Variants in NFIC observed in about 807,000 individuals in gnomAD.
The protein encoded by NFIC is nuclear factor I C, also known as nuclear factor 1 C-type.
Under a neutral mutation model 54.4 loss-of-function variants are expected in NFIC, and 12 were observed. The ratio of observed to expected loss-of-function variants is 0.22; its 90% CI spans 0.14 to 0.36. The LOEUF (loss-of-function observed/expected upper bound fraction) is 0.36, where lower values mean the gene tolerates loss of function less well. Among genes scored for constraint, NFIC ranks in the 10% least tolerant of loss-of-function variants. NFIC has a pLI of 1.00. For missense variants in NFIC, 575 were observed against 718.2 expected (o/e 0.80, Z 2.28); for synonymous variants, 322 against 319.2 (o/e 1.01, Z -0.09).
chr19:3,385,573 GTT>G (rs569020735), intron 2 of NFIC, among the ~76,000 whole-genome samples: 292 of 109,224 alleles, frequency 2.7e-3, no homozygotes, highest in African/African-American at 8.3e-3. Context: ...GGTTGTTGTT[GTT>G]TTTTTTTTTT....
At chr19:3,367,310 C>T (rs912483815) in intron 1 of NFIC, among the ~76,000 whole-genome samples, 3 of 152,152 alleles carry the variant, frequency 2.0e-5, no homozygotes, top group Non-Finnish European at 4.4e-5. Context: ...CCCTCCTTTG[C>T]AAGCCCCCCA....
chr19:3,429,253 TACAC>T lies in NFIC; in HGVS notation c.634+4115_634+4118del, dbSNP rs57948823. 7.4e-3 allele frequency among the ~76,000 whole-genome samples: 378 copies of T among 50,790 alleles called. 46 individuals are homozygous for T. Among genetic ancestry groups the T allele is most frequent in the African/African-American group, 0.019 (208 of 11,058 alleles). 33.3% of individuals were successfully genotyped at this position (50,790 alleles called of 152,430 possible). On this transcript the variant is annotated intron_variant, in intron 3 of 10. Transcript: ENST00000443272. ...CCCCAAAAAAAAAAAAAAAAATATA[TACAC>T]ACACACACACACACACACACACACA...
chr19:3,456,980 G>T, intron 10 of NFIC: 1 of 373,852 alleles, frequency 2.7e-6, no homozygotes. Context: ...GAGACAAGGG[G>T]GTCTGCCCAG....
At position 3,452,720 on chromosome 19, in the gene NFIC, C is replaced by CG; in HGVS notation, c.1269+59dup. ...CTCCTGGCGGCTCCAGGTGACCTCC[C>CG]GGGGGCCACGTGCTCACACGAAGGC... On this transcript the variant is annotated intron_variant, in intron 8 of 10. Coordinates refer to ENST00000443272, the MANE Select transcript of NFIC (RefSeq NM_001245002.2). This position sits in a 1 kb window ranked among gnomAD's most constrained non-coding sequence, Gnocchi z 5.3. 6.5e-7 allele frequency: 1 copy of CG among 1,531,358 alleles called. No homozygotes were observed. The highest frequency in any genetic ancestry group is 1.2e-5 in the South Asian group (1 of 80,150). The allele number at this position is 1,531,358 out of a possible 1,614,324, so 94.9% of individuals were successfully genotyped here.
chr19:3,434,448 C>T (rs1472711221), intron 5 of NFIC, 48 bp downstream of exon 5: 6 of 1,547,824 alleles, frequency 3.9e-6, no homozygotes, highest in Non-Finnish European at 5.2e-6. Context: ...CCCCATTCAT[C>T]AACCCATCCC....
In NFIC at chr19:3,401,752, C is replaced by T. The variant is rs376167528; in HGVS notation, c.562+19509C>T. Among the ~76,000 whole-genome samples the T allele has an allele frequency of 4.0e-5, 6 of 151,368 alleles. No individual in the cohort carries two copies. In the East Asian group the frequency reaches 7.8e-4, roughly 20 times the overall value. On this transcript the variant is annotated intron_variant, in intron 2 of 10. Coordinates refer to ENST00000443272, the MANE Select transcript of NFIC (RefSeq NM_001245002.2). ...TTTTCTCTTTTTTTAGACAGAGTCT[C>T]GCTCTGTCACCCAGGCTGGAGTGCA...
At chr19:3,422,036 G>A (rs966053602) in intron 2 of NFIC, among the ~76,000 whole-genome samples, 2 of 151,954 alleles carry the variant, frequency 1.3e-5, no homozygotes, top group South Asian at 2.1e-4. Flanking sequence ...TCCGGGGTTC[G>A]AGCGATTCTC....
intron 1 of NFIC, among the ~76,000 whole-genome samples, chr19:3,367,232 G>C (rs971351632): frequency 6.6e-6 from 1 of 152,210 alleles, no homozygotes; most frequent in African/African-American, 2.4e-5. Context: ...GTGCATGGAG[G>C]GGGAGGGGGC....
chr19:3,374,605 A>G (rs1170379351), intron 1 of NFIC, among the ~76,000 whole-genome samples: 1 of 152,200 alleles, frequency 6.6e-6, no homozygotes, highest in East Asian at 1.9e-4. Flanking sequence ...TCCTGGCTAG[A>G]TCTGGGAAAC....
intron 1 of NFIC, among the ~76,000 whole-genome samples, chr19:3,368,731 G>C (rs1444261210): frequency 6.6e-6 from 1 of 152,182 alleles, no homozygotes; most frequent in East Asian, 1.9e-4. Context: ...GGCCCAGCCT[G>C]GTCTGGGGTA....
In NFIC at chr19:3,369,616, C is replaced by T. The variant is rs532356797; in HGVS notation, c.30+2950C>T. On this transcript the variant is annotated intron_variant, in intron 1 of 10. Transcript: ENST00000443272. The surrounding 1 kb of genome is among the most constrained non-coding windows in gnomAD (Gnocchi z 4.3). ...CGGCCCTGGGGCATTCTGGGAGCCC[C>T]GGGCCGGGCTCAGCGGTGACTCAAG... 1.7e-3 allele frequency among the ~76,000 whole-genome samples: 252 copies of T among 152,248 alleles called. 1 individual carries two copies. The highest frequency in any genetic ancestry group is 5.7e-3 in the African/African-American group (237 of 41,552).
intron 6 of NFIC, among the ~76,000 whole-genome samples, chr19:3,436,845 G>T (rs1024654247): frequency 2.0e-5 from 3 of 152,100 alleles, no homozygotes; most frequent in Admixed American, 2.0e-4. Flanking sequence ...GAGAGACCTG[G>T]GTTCAGATCC....
chr19:3,422,077 C>T (rs553225527), intron 2 of NFIC, among the ~76,000 whole-genome samples: 1 of 152,218 alleles, frequency 6.6e-6, no homozygotes, highest in South Asian at 2.1e-4. Context: ...GCTGGGATTA[C>T]AGGCATGCAC....
At chr19:3,378,193 G>A (rs1487944301) in intron 1 of NFIC, among the ~76,000 whole-genome samples, 1 of 151,624 alleles carries the variant, frequency 6.6e-6, no homozygotes, top group African/African-American at 2.4e-5. Flanking sequence ...CCTGGGAGGC[G>A]GAGGTTGCAG....
upstream of NFIC, among the ~76,000 whole-genome samples, chr19:3,362,472 G>C (rs2080823443): frequency 6.6e-6 from 1 of 151,888 alleles, no homozygotes; most frequent in Non-Finnish European, 1.5e-5. Flanking sequence ...GTCAGGTGTG[G>C]GGGGAAGGCT....
upstream of NFIC, among the ~76,000 whole-genome samples, chr19:3,364,089 T>C (rs2080852482): frequency 6.6e-6 from 1 of 152,140 alleles, no homozygotes; most frequent in African/African-American, 2.4e-5. Context: ...CAGTCAACTC[T>C]TTTGTGCTCC....
chr19:3,463,792 C>A lies in NFIC; in HGVS notation c.*1023C>A. ...GAGTTGGGGGTGCCCGTCTGGAGCG[C>A]CCCCGTCAGCCCCTGGCGGTGGGAG... On this transcript the variant is annotated 3_prime_UTR_variant, in exon 11 of 11. Coordinates refer to ENST00000443272, the MANE Select transcript of NFIC (RefSeq NM_001245002.2). 1.0e-6 allele frequency: 1 copy of A among 985,252 alleles called. No individual in the cohort carries two copies. Among genetic ancestry groups the A allele is most frequent in the Non-Finnish European group, 1.2e-6 (1 of 829,862 alleles). 61.0% of individuals were successfully genotyped at this position (985,252 alleles called of 1,614,324 possible). A position where few individuals can be genotyped will look rare whatever the true frequency, so the allele number is the denominator to read the frequency against.
chr19:3,437,635 CAAA>C (rs397860121), intron 6 of NFIC, among the ~76,000 whole-genome samples: 1 of 77,348 alleles, frequency 1.3e-5, no homozygotes, highest in Non-Finnish European at 2.6e-5. Flanking sequence ...GACTATGTCT[CAAA>C]AAAAAAAAAA....
intron 1 of NFIC, among the ~76,000 whole-genome samples, chr19:3,379,198 TAC>T (rs1345908303): frequency 2.0e-5 from 3 of 151,972 alleles, no homozygotes; most frequent in Admixed American, 2.0e-4. Context: ...TAGCTGGGAT[TAC>T]AGTCATGCGC....
Sources: gnomAD v4.1 joint callset for allele counts (sites outside exome capture counted in the v4.1 genomes callset) on GRCh38, gnomAD v4.1.1 for gene constraint, Gnocchi (gnomAD v3.1) non-coding constraint, MANE v1.5 for transcripts, NCBI Gene and HGNC (gene_info 2026-07-23, HGNC 2026-07-21) for gene names.